MIA3: variants seen among roughly 807,000 people sequenced by gnomAD.
The protein encoded by MIA3 is MIA SH3 domain ER export factor 3.
A neutral mutation model predicts 192.4 loss-of-function variants in MIA3; 90 were observed. The observed-to-expected ratio is 0.47, with a 90% CI of 0.39 to 0.56. The LOEUF (loss-of-function observed/expected upper bound fraction) is 0.56, where lower values mean the gene tolerates loss of function less well. Ranked by LOEUF, MIA3 falls within the 20% of genes least tolerant of loss-of-function variation. The probability of loss-of-function intolerance (pLI) is 0.00; values close to 1 mark genes in which losing one functional copy is unlikely to be tolerated. For missense variants in MIA3, 2,123 were observed against 2,269.4 expected (o/e 0.94, Z 1.31); for synonymous variants, 740 against 792.8 (o/e 0.93, Z 1.12).
At chr1:222,623,906 TGTATTA>T (rs1304059150) in intron 2 of MIA3, among the ~76,000 whole-genome samples, 1 of 152,254 alleles carries the variant, frequency 6.6e-6, no homozygotes, top group Non-Finnish European at 1.5e-5. Flanking sequence ...CAGATTAGTG[TGTATTA>T]CACTGTAATT....
Position 222,629,948 on chromosome 1 carries a change from A to C in MIA3, c.2728A>C (p.Thr910Pro). 6.2e-7 allele frequency: 1 copy of C among 1,614,134 alleles called. No individual in the cohort carries two copies. Among genetic ancestry groups the C allele is most frequent in the Non-Finnish European group, 8.5e-7 (1 of 1,180,018 alleles). Residue 910 changes from threonine (T) to proline (P), a missense_variant, in exon 4 of 28, where the codon ACA becomes CCA. Around this residue, in one of 3 missense-constraint regions of MIA3, gnomAD observed 1,357 missense variants for 1,396.1 expected, o/e 0.97. Coordinates refer to ENST00000344922, the MANE Select transcript of MIA3 (RefSeq NM_198551.4). ...EDDSFHWTPHTSVEPGHSDKR... is the reference protein window; with the variant it reads ...EDDSFHWTPHPSVEPGHSDKR... ...TGACTCGTTCCACTGGACTCCACAT[A>C]CAAGTGTAGAGCCAGGGCATAGTGA...
chr1:222,658,761 G>A lies in MIA3; in HGVS notation c.4647G>A (p.Glu1549=), dbSNP rs759226083. Residue 1549 remains glutamate (E), a synonymous_variant, in exon 19 of 28, where the codon GAG becomes GAA. Coordinates refer to ENST00000344922, the MANE Select transcript of MIA3 (RefSeq NM_198551.4). ...SQEEYERQER[E]HRLSAADEKA... is the part of the protein sequence containing the mutation. ...AAGAGTATGAACGGCAAGAAAGAGA[G>A]CACAGGCTGTCAGCTGCAGATGAAA... The A allele has an allele frequency of 6.2e-7, 1 of 1,612,928 alleles. No individual in the cohort carries two copies. Among genetic ancestry groups the A allele is most frequent in the African/African-American group, 1.3e-5 (1 of 74,958 alleles).
Position 222,654,711 on chromosome 1 carries a change from C to T in MIA3, c.4525C>T (p.Leu1509=). The part of the protein sequence containing the change: ...RNSLQAAKAG[L]EDECKTLRQK... Reference sequence around the variant, plus strand: ...CTCACTACAAGCTGCCAAAGCTGGACTGGAAGATGAATGCAAAACCTTGAG... The same window carrying T: ...CTCACTACAAGCTGCCAAAGCTGGATTGGAAGATGAATGCAAAACCTTGAG... The change falls in exon 18 of 28, where the codon CTG becomes TTG. Residue 1509 remains leucine (L), a synonymous_variant. Transcript: ENST00000344922. The T allele has an allele frequency of 6.2e-7, 1 of 1,614,056 alleles. No homozygotes were observed. The highest frequency in any genetic ancestry group is 8.5e-7 in the Non-Finnish European group (1 of 1,179,918).
rs1662301303 is a variant in MIA3 at position 222,629,677 on chromosome 1, G to T, written c.2457G>T (p.Lys819Asn). The change falls in exon 4 of 28, where the codon AAG becomes AAT. Residue 819 changes from lysine (K) to asparagine (N), a missense_variant. Lys to Asn is a moderately conservative substitution (Grantham distance 94). Coordinates refer to ENST00000344922, the MANE Select transcript of MIA3 (RefSeq NM_198551.4). ...AAAAAGAACGCCCTCTGGCAGATAAGAAAGCACAGAGACCATTTGAACGAA... is the reference window on the plus strand; with the variant it reads ...AAAAAGAACGCCCTCTGGCAGATAATAAAGCACAGAGACCATTTGAACGAA... ...MVEKERPLADKKAQRPFERSD... is the reference protein window; with the variant it reads ...MVEKERPLADNKAQRPFERSD... 2 of 1,614,118 alleles carry T rather than the reference G, an allele frequency of 1.2e-6. No homozygotes were observed.
intron 18 of MIA3, among the ~76,000 whole-genome samples, chr1:222,656,293 G>A (rs947299906): frequency 1.3e-5 from 2 of 151,900 alleles, no homozygotes; most frequent in Admixed American, 6.6e-5. Flanking sequence ...TTTAATGCAG[G>A]TTCAGTGAGT....
intron 12 of MIA3, 73 bp downstream of exon 12, chr1:222,652,121 T>C (rs1227600078): frequency 1.1e-5 from 14 of 1,320,560 alleles, no homozygotes; most frequent in Non-Finnish European, 1.5e-5. Flanking sequence ...AAATTTGATA[T>C]ATGCTAAAAT....
At chr1:222,660,681 AT>A in intron 24 of MIA3, 2 of 181,204 alleles carry the variant, frequency 1.1e-5, no homozygotes, top group Non-Finnish European at 2.3e-5. Flanking sequence ...ATTTTGGGAA[AT>A]TTTTTGGAGC....
Position 222,627,833 on chromosome 1 carries a change from A to C in MIA3, c.613A>C (p.Thr205Pro). The change falls in exon 4 of 28, where the codon ACA (threonine) becomes CCA (proline). Residue 205 changes from threonine to proline, a missense_variant. Thr to Pro is a conservative substitution (Grantham distance 38). Transcript: ENST00000344922. ...CACTGAGGATCTTCAGGAACAGTTT[A>C]CAACTCAGAAGCACCACTCCCATGC... Reference protein sequence around the residue: ...ENTEDLQEQFTTQKHHSHANS... With the variant: ...ENTEDLQEQFPTQKHHSHANS... The C allele has an allele frequency of 6.2e-7, 1 of 1,614,108 alleles. No individual in the cohort carries two copies. The highest frequency in any genetic ancestry group is 8.5e-7 in the Non-Finnish European group (1 of 1,180,030).
intron 2 of MIA3, among the ~76,000 whole-genome samples, chr1:222,621,913 A>G (rs1262216549): frequency 2.7e-5 from 4 of 149,090 alleles, no homozygotes; most frequent in Admixed American, 1.4e-4. Context: ...GGTTCACGCC[A>G]TTCTCCTGCC....
chr1:222,624,324 G>A (rs192663773), intron 2 of MIA3, among the ~76,000 whole-genome samples: 7 of 152,280 alleles, frequency 4.6e-5, no homozygotes, highest in Non-Finnish European at 1.0e-4. Flanking sequence ...CAAACGTAAA[G>A]ATAAAATATT....
rs1662347954 is a variant in MIA3 at position 222,630,453 on chromosome 1, C to A, written c.3169+64C>A. 3 of 1,488,982 alleles carry A rather than the reference C, an allele frequency of 2.0e-6. No homozygotes were observed. In the East Asian group the frequency reaches 6.8e-5, roughly 34 times the overall value. 92.2% of individuals were successfully genotyped at this position (1,488,982 alleles called of 1,614,324 possible). A position where few individuals can be genotyped will look rare whatever the true frequency, so the allele number is the denominator to read the frequency against. On this transcript the variant is annotated intron_variant, in intron 4 of 27. Coordinates refer to ENST00000344922, the MANE Select transcript of MIA3 (RefSeq NM_198551.4). ...GCAGGTGGGTGGGTCGCTGAGGTGC[C>A]TCCTATCTTGTGAAGCTCTGTTCAG...
chr1:222,618,346 G>A, intron 1 of MIA3, 103 bp downstream of exon 1: 2 of 1,154,728 alleles, frequency 1.7e-6, no homozygotes, highest in Non-Finnish European at 2.2e-6. Context: ...GTGCGGGGAC[G>A]GGAGTTCCGC....
At position 222,628,858 on chromosome 1, in the gene MIA3, A is replaced by G. The variant is rs778355362; in HGVS notation, c.1638A>G (p.Gly546=). The G allele has an allele frequency of 4.3e-6, 7 of 1,614,050 alleles. No homozygotes were observed. Among genetic ancestry groups the G allele is most frequent in the Non-Finnish European group, 5.9e-6 (7 of 1,180,034 alleles). The part of the protein sequence containing the change: ...SKGMLHEEKP[G]EQILEGGSES... Reference sequence around the variant, plus strand: ...GAATGCTCCACGAAGAAAAGCCTGGAGAGCAGATTTTGGAAGGTGGCTCAG... The same window carrying G: ...GAATGCTCCACGAAGAAAAGCCTGGGGAGCAGATTTTGGAAGGTGGCTCAG... The change falls in exon 4 of 28, where the codon GGA becomes GGG. Residue 546 remains glycine (G), a synonymous_variant. Transcript: ENST00000344922.
intron 18 of MIA3, among the ~76,000 whole-genome samples, chr1:222,655,544 A>G (rs577888180): frequency 1.4e-4 from 22 of 152,280 alleles, no homozygotes; most frequent in Non-Finnish European, 8.8e-5. Context: ...TAACTTTTTT[A>G]AATGCTTAGA....
chr1:222,622,754 C>T (rs186678673), intron 2 of MIA3, among the ~76,000 whole-genome samples: 149 of 152,272 alleles, frequency 9.8e-4, no homozygotes, highest in African/African-American at 2.8e-3. Flanking sequence ...CACTCCTCAT[C>T]TTTGAGCATT....
At position 222,655,962 on chromosome 1, in the gene MIA3, C is replaced by CTTTTTTTTTTTTTTTTTTTT. The variant is rs1283360501; in HGVS notation, c.4607+1169_4607+1170insTTTTTTTTTTTTTTTTTTTT. Among the ~76,000 whole-genome samples the CTTTTTTTTTTTTTTTTTTTT allele has an allele frequency of 2.8e-5, 2 of 71,278 alleles. 1 individual carries two copies. The allele number at this position is 71,278 out of a possible 152,430, so 46.8% of individuals were successfully genotyped here. A position where few individuals can be genotyped will look rare whatever the true frequency, so the allele number is the denominator to read the frequency against. On this transcript the variant is annotated intron_variant, in intron 18 of 27. Transcript: ENST00000344922. ...ATCACGTATCTCCAGACTTTCTTTC[C>CTTTTTTTTTTTTTTTTTTTT]CTTTTTTTTTTTTTTTTTTTTTTTT...
In MIA3 at chr1:222,628,544, G is replaced by C. The variant is rs1366068105; in HGVS notation, c.1324G>C (p.Asp442His). 1 of 1,614,164 alleles carries C rather than the reference G, an allele frequency of 6.2e-7. No homozygotes were observed. The highest frequency in any genetic ancestry group is 2.2e-5 in the East Asian group (1 of 44,874). The change falls in exon 4 of 28, where the codon GAT (aspartate) becomes CAT (histidine). Residue 442 changes from aspartate to histidine, a missense_variant. By Grantham distance (81) the Asp-to-His change is moderately conservative (BLOSUM62 -1). Around this residue, in one of 3 missense-constraint regions of MIA3, gnomAD observed 1,357 missense variants for 1,396.1 expected, o/e 0.97. Transcript: ENST00000344922. ...TDYSDPDNVD[D>H]GLFIVDIPKT... ...TTATAGTGACCCTGACAATGTAGAT[G>C]ATGGTCTTTTTATTGTAGACATTCC...
In MIA3 at chr1:222,629,984, GACTT is replaced by G. The variant is rs1373042532; in HGVS notation, c.2770_2773del (p.Leu924SerfsTer2). ...GCCAGGGCATAGTGACAAGAGGGAG[GACTT>G]ACTTATCATAAGCAGCTTCTTTAAA... is the stretch of plus-strand genomic sequence containing the variant. On this transcript the variant is annotated frameshift_variant, in exon 4 of 28. Transcript: ENST00000344922. LOFTEE classifies it high-confidence loss of function. 2 of 1,613,778 alleles carry G rather than the reference GACTT, an allele frequency of 1.2e-6. No individual in the cohort carries two copies. The highest frequency in any genetic ancestry group is 1.7e-5 in the Admixed American group (1 of 59,992).
At chr1:222,621,734 A>G (rs974933265) in intron 2 of MIA3, among the ~76,000 whole-genome samples, 1 of 152,038 alleles carries the variant, frequency 6.6e-6, no homozygotes, top group Non-Finnish European at 1.5e-5. Context: ...AGTCTTGGGA[A>G]CAGTTCCCTA....
Sources: gnomAD v4.1 joint callset for allele counts (sites outside exome capture counted in the v4.1 genomes callset) on GRCh38, gnomAD v4.1.1 for gene constraint, gnomAD v4.1.1 regional missense constraint, MANE v1.5 for transcripts, NCBI Gene and HGNC (gene_info 2026-07-23, HGNC 2026-07-21) for gene names.